The following ZFHX3 variants were observed in gnomAD, a reference collection of about 807,000 sequenced individuals.
ZFHX3 encodes zinc finger homeobox 3.
A neutral mutation model predicts 279.1 loss-of-function variants in ZFHX3; 42 were observed. The ratio of observed to expected loss-of-function variants is 0.15; its 90% CI spans 0.12 to 0.19. The LOEUF (loss-of-function observed/expected upper bound fraction) is 0.19. Ranked by LOEUF, ZFHX3 falls within the 10% of genes least tolerant of loss-of-function variation. The probability of loss-of-function intolerance (pLI) is 1.00; values close to 1 mark genes in which losing one functional copy is unlikely to be tolerated. For synonymous variants in ZFHX3, 2,293 were observed against 1,957.8 expected (o/e 1.17, Z -4.52); for missense variants, 4,981 against 4,754.0 (o/e 1.05, Z -1.40).
intron 3 of ZFHX3, among the ~76,000 whole-genome samples, chr16:72,937,665 C>T (rs1016354878): frequency 2.6e-5 from 4 of 152,268 alleles, no homozygotes; most frequent in Non-Finnish European, 5.9e-5. Context: ...CTACACCCCG[C>T]AGCTGCTCCC....
At chr16:73,858,106 A>AAG (rs1555505343) in intron 1 of ZFHX3, among the ~76,000 whole-genome samples, 3 of 151,912 alleles carry the variant, frequency 2.0e-5, no homozygotes, top group African/African-American at 7.2e-5. Context: ...AAAAAAAAAA[A>AAG]AAGAAGAAGA....
intron 7 of ZFHX3, among the ~76,000 whole-genome samples, chr16:73,123,909 A>G (rs1181752110): frequency 2.0e-5 from 3 of 152,116 alleles, no homozygotes; most frequent in African/African-American, 7.2e-5. Context: ...ATGAGATACC[A>G]AATTTGCCAG....
At chr16:72,822,100 T>A (rs1053606473) in intron 5 of ZFHX3, 1 of 152,224 alleles carries the variant, frequency 6.6e-6, no homozygotes, top group Non-Finnish European at 1.5e-5. Flanking sequence ...AAGCAGAAAG[T>A]AGAATAACTT....
At position 73,475,413 on chromosome 16, in the gene ZFHX3, C is replaced by G. The variant is rs2018748491; in HGVS notation, c.-1546-19155G>C. Among the ~76,000 whole-genome samples, 3 of 152,166 alleles carry G rather than the reference C, an allele frequency of 2.0e-5. No homozygotes were observed. In the South Asian group the frequency reaches 6.2e-4, roughly 32 times the overall value. ...ATGCTAAACAATACCGTTAGCAGAA[C>G]AATACTGTTTAGCATGTATTTTATT... On this transcript the variant is annotated intron_variant, in intron 2 of 17. Coordinates refer to the ZFHX3 transcript ENST00000641206.
chr16:73,417,988 C>CAAAAAAAAAAAAAA (rs71156161), intron 3 of ZFHX3, among the ~76,000 whole-genome samples: 1 of 57,856 alleles, frequency 1.7e-5, no homozygotes, highest in Non-Finnish European at 2.8e-5. Context: ...GACTCCATCT[C>CAAAAAAAAAAAAAA]AAAAAAAAAA....
chr16:73,889,037 C>A (rs527560749), intron 1 of ZFHX3, among the ~76,000 whole-genome samples: 5 of 152,288 alleles, frequency 3.3e-5, no homozygotes, highest in South Asian at 2.1e-4. Flanking sequence ...GCAATGACTG[C>A]CCAAGCTAGT....
chr16:73,510,124 A>G (rs2019403447), intron 2 of ZFHX3, among the ~76,000 whole-genome samples: 1 of 152,016 alleles, frequency 6.6e-6, no homozygotes, highest in Admixed American at 6.6e-5. Flanking sequence ...CATCTTGGCT[A>G]TGTCACCTTT....
intron 4 of ZFHX3, among the ~76,000 whole-genome samples, chr16:73,275,984 T>TG (rs138806449): frequency 0.029 from 4,447 of 151,160 alleles, 200 homozygotes; most frequent in African/African-American, 0.099. Flanking sequence ...TCAAGAGTGA[T>TG]GGGGGGGGAC....
chr16:73,866,095 C>A (rs4888921), intron 1 of ZFHX3, among the ~76,000 whole-genome samples: 1 of 151,042 alleles, frequency 6.6e-6, no homozygotes, highest in Non-Finnish European at 1.5e-5. Flanking sequence ...CTCAATCTCC[C>A]GGGCTCAGGC....
chr16:72,968,334 A>G (rs954803194), intron 1 of ZFHX3, among the ~76,000 whole-genome samples: 6 of 152,232 alleles, frequency 3.9e-5, no homozygotes, highest in Admixed American at 1.3e-4. Context: ...CTAAGGAGAC[A>G]TGACTAATGA....
chr16:73,742,414 G>A (rs1372317834), intron 1 of ZFHX3, among the ~76,000 whole-genome samples: 1 of 152,124 alleles, frequency 6.6e-6, no homozygotes, highest in Non-Finnish European at 1.5e-5. Flanking sequence ...CATAAGTGTT[G>A]ACCATCCAAA....
chr16:72,884,638 G>A (rs1028428093), intron 4 of ZFHX3, among the ~76,000 whole-genome samples: 2 of 152,192 alleles, frequency 1.3e-5, no homozygotes, highest in African/African-American at 2.4e-5. Flanking sequence ...ACAGGAGGAG[G>A]AGAAGGAGAA....
intron 9 of ZFHX3, among the ~76,000 whole-genome samples, chr16:72,792,044 T>TG (rs1253580937): frequency 6.6e-6 from 1 of 152,090 alleles, no homozygotes; most frequent in African/African-American, 2.4e-5. Context: ...CAGGCCATTG[T>TG]GGGGGGAATT....
chr16:72,937,312 C>G (rs368669383), intron 3 of ZFHX3, among the ~76,000 whole-genome samples: 1 of 152,128 alleles, frequency 6.6e-6, no homozygotes, highest in Non-Finnish European at 1.5e-5. Context: ...TGGGACAAGC[C>G]TGGGGGCATA....
chr16:73,272,935 T>A (rs1480595064), intron 4 of ZFHX3, among the ~76,000 whole-genome samples: 1 of 152,104 alleles, frequency 6.6e-6, no homozygotes, highest in East Asian at 1.9e-4. Context: ...TTTGTAGAGA[T>A]GGGATCTCCC....
intron 1 of ZFHX3, among the ~76,000 whole-genome samples, chr16:73,004,086 T>C (rs1963605913): frequency 6.6e-6 from 1 of 151,556 alleles, no homozygotes; most frequent in Non-Finnish European, 1.5e-5. Context: ...TCATGAATTG[T>C]CCATTTGTGT....
At chr16:73,242,025 C>G (rs62052452) in intron 5 of ZFHX3, among the ~76,000 whole-genome samples, 4 of 152,116 alleles carry the variant, frequency 2.6e-5, no homozygotes, top group Non-Finnish European at 5.9e-5. Context: ...ATGTCAAGTG[C>G]TGGGCTCTAA....
intron 3 of ZFHX3, among the ~76,000 whole-genome samples, chr16:73,437,322 G>C (rs1463928248): frequency 1.3e-5 from 2 of 152,072 alleles, no homozygotes; most frequent in African/African-American, 4.8e-5. Flanking sequence ...CCTTTTTGGT[G>C]TCTATATTTA....
chr16:73,234,014 G>C (rs541252950), intron 5 of ZFHX3: 21 of 152,460 alleles, frequency 1.4e-4, no homozygotes, highest in African/African-American at 4.1e-4. Context: ...CATGTGTTTG[G>C]CATTCATAGA....
Sources: allele counts gnomAD v4.1 joint callset (sites outside exome capture counted in the v4.1 genomes callset), GRCh38; gene constraint gnomAD v4.1.1; transcripts MANE v1.5; gene names NCBI Gene and HGNC (gene_info 2026-07-23, HGNC 2026-07-21).